Variants in RXFP2 observed in about 807,000 individuals in gnomAD.
RXFP2 encodes the protein relaxin receptor 2.
In RXFP2, 68 loss-of-function variants were observed where a neutral mutation model predicts 88.6. That is an observed-to-expected ratio of 0.77 (90% confidence interval 0.63 to 0.94). The LOEUF (loss-of-function observed/expected upper bound fraction) is 0.94. Among genes scored for constraint, RXFP2 ranks in the 40% least tolerant of loss-of-function variants. The pLI is 0.00. For missense variants in RXFP2, 791 were observed against 893.9 expected (o/e 0.88, Z 1.47); for synonymous variants, 329 against 306.8 (o/e 1.07, Z -0.76).
chr13:31,778,818 A>G (rs1873121169), intron 9 of RXFP2, among the ~76,000 whole-genome samples: 1 of 152,070 alleles, frequency 6.6e-6, no homozygotes, highest in South Asian at 2.1e-4. Flanking sequence ...CCCCATCTAG[A>G]TGCTATCCCT....
At chr13:31,762,644 G>A (rs1162467191) in intron 3 of RXFP2, among the ~76,000 whole-genome samples, 1 of 151,820 alleles carries the variant, frequency 6.6e-6, no homozygotes, top group East Asian at 1.9e-4. Flanking sequence ...ATATGTAAAT[G>A]TATATATATA....
intron 9 of RXFP2, among the ~76,000 whole-genome samples, chr13:31,779,343 C>T (rs1873155903): frequency 6.6e-6 from 1 of 152,138 alleles, no homozygotes; most frequent in South Asian, 2.1e-4. Flanking sequence ...CCAGGCTGGT[C>T]TTCAACCCCT....
In RXFP2 at chr13:31,751,504, C is replaced by G. The variant is rs148328821; in HGVS notation, c.95-6754C>G. ...CTGTGCAGTTTCCACACACTCAGCA[C>G]GAGCAGTCTATGTGGATGGTACCCA... On this transcript the variant is annotated intron_variant, in intron 1 of 17. Transcript: ENST00000298386. Among the ~76,000 whole-genome samples the G allele has an allele frequency of 3.8e-3, 583 of 152,186 alleles. 7 individuals are homozygous for G. The highest frequency in any genetic ancestry group is 0.013 in the African/African-American group (553 of 41,514).
chr13:31,795,475 T>G (rs1386946886), intron 16 of RXFP2, among the ~76,000 whole-genome samples: 1 of 152,206 alleles, frequency 6.6e-6, no homozygotes, highest in Non-Finnish European at 1.5e-5. Context: ...TGATCCTTTC[T>G]GTAAGTCTGC....
chr13:31,749,820 T>C (rs572215902), intron 1 of RXFP2, among the ~76,000 whole-genome samples: 102 of 152,348 alleles, frequency 6.7e-4, no homozygotes, highest in African/African-American at 2.4e-3. Flanking sequence ...AATCACAGTT[T>C]TATGTCTTCT....
chr13:31,745,485 T>A (rs1397650600), intron 1 of RXFP2, among the ~76,000 whole-genome samples: 1 of 152,312 alleles, frequency 6.6e-6, no homozygotes, highest in Non-Finnish European at 1.5e-5. Flanking sequence ...TACCCCATGC[T>A]TTGTCAGGGG....
chr13:31,800,489 A>G lies in RXFP2; in HGVS notation c.2006-1657A>G, dbSNP rs139400857. ...CAGGAGGCTGAGGCAGGAGAATGGC[A>G]TGAACATAAGAGGTAGAGCTTGCAG... is the stretch of plus-strand genomic sequence containing the variant. On this transcript the variant is annotated intron_variant, in intron 17 of 17. Transcript: ENST00000298386. Among the ~76,000 whole-genome samples, 1,502 of 152,310 alleles carry G rather than the reference A, an allele frequency of 9.9e-3. 30 individuals are homozygous for G. Among genetic ancestry groups the G allele is most frequent in the African/African-American group, 0.034 (1,433 of 41,562 alleles).
At chr13:31,764,303 G>A (rs978390877) in intron 3 of RXFP2, among the ~76,000 whole-genome samples, 2 of 144,662 alleles carry the variant, frequency 1.4e-5, no homozygotes, top group Non-Finnish European at 3.0e-5. Context: ...ACTGTCCTAT[G>A]GACCAGCTTG....
In RXFP2 at chr13:31,739,660, T is replaced by A; in HGVS notation, c.48T>A (p.Ile16=). The A allele has an allele frequency of 6.2e-7, 1 of 1,610,544 alleles. No individual in the cohort carries two copies. The highest frequency in any genetic ancestry group is 8.5e-7 in the Non-Finnish European group (1 of 1,176,788). The change falls in exon 1 of 18, where the codon ATT becomes ATA. Residue 16 remains isoleucine, a synonymous_variant. Transcript: ENST00000298386. ...AACATCTCTTCAGCCTCAGATTGAT[T>A]ACAATGTTCTTTCTACTTCATTTCA... The part of the protein sequence containing the change: ...VFKHLFSLRL[I]TMFFLLHFIV...
At chr13:31,789,223 G>A (rs759774910) in intron 14 of RXFP2, 30 bp downstream of exon 14, 7 of 1,405,628 alleles carry the variant, frequency 5.0e-6, no homozygotes, top group Middle Eastern at 1.8e-4. Context: ...GGAGGAGGAA[G>A]CATGGTAAAA....
At chr13:31,780,941 G>A (rs913131506) in intron 9 of RXFP2, among the ~76,000 whole-genome samples, 4 of 152,184 alleles carry the variant, frequency 2.6e-5, no homozygotes, top group Non-Finnish European at 5.9e-5. Flanking sequence ...TCCAGGCAGC[G>A]CTGAGGTTGC....
At chr13:31,765,835 T>A in intron 4 of RXFP2, 121 bp from the exon 5 acceptor site, 1 of 650,676 alleles carries the variant, frequency 1.5e-6, no homozygotes, top group Non-Finnish European at 2.8e-6. Context: ...ATTGTCATGT[T>A]CAAATATGGA....
chr13:31,761,676 G>A, intron 2 of RXFP2, 48 bp from the exon 3 acceptor site: 1 of 1,222,316 alleles, frequency 8.2e-7, no homozygotes, highest in South Asian at 1.2e-5. Context: ...TTGTCAGATG[G>A]TATTTAGTTT....
chr13:31,781,806 A>G, intron 10 of RXFP2, 64 bp downstream of exon 10: 1 of 1,344,024 alleles, frequency 7.4e-7, no homozygotes. Flanking sequence ...TTAAAAAGAA[A>G]ACATTGACAA....
intron 17 of RXFP2, among the ~76,000 whole-genome samples, chr13:31,799,602 G>A (rs959159615): frequency 2.0e-5 from 3 of 152,276 alleles, no homozygotes; most frequent in African/African-American, 4.8e-5. Context: ...CAAGTAAGGC[G>A]GAGGTCCTGG....
chr13:31,796,038 CTTTTTTTTT>C (rs776535132), intron 16 of RXFP2, among the ~76,000 whole-genome samples: 6 of 36,966 alleles, frequency 1.6e-4, no homozygotes, highest in Non-Finnish European at 2.4e-4. Context: ...ATGTGTTATT[CTTTTTTTTT>C]TTTTTTTTTT....
rs1308047985 is a variant in RXFP2, at chr13:31,802,338, C to T, written c.2198C>T (p.Ser733Phe). The T allele has an allele frequency of 1.2e-6, 2 of 1,613,342 alleles. No homozygotes were observed. Among genetic ancestry groups the T allele is most frequent in the African/African-American group, 1.3e-5 (1 of 74,910 alleles). ...TCCATTGTGTGGATAGAGGACTCCT[C>T]TTCCCTGAAACTTGGGGTTTTGAAC... ...STSIVWIEDS[S>F]SLKLGVLNKI... The change falls in exon 18 of 18, where the codon TCT (serine) becomes TTT (phenylalanine). Residue 733 changes from serine (S) to phenylalanine (F), a missense_variant. Coordinates refer to ENST00000298386, the MANE Select transcript of RXFP2 (RefSeq NM_130806.5).
At chr13:31,747,936 A>G (rs973953666) in intron 1 of RXFP2, among the ~76,000 whole-genome samples, 8 of 152,208 alleles carry the variant, frequency 5.3e-5, no homozygotes, top group African/African-American at 1.9e-4. Flanking sequence ...CAATCTTAGT[A>G]TCTTAATTAT....
At chr13:31,774,994 A>G (rs143475212) in intron 6 of RXFP2, among the ~76,000 whole-genome samples, 3 of 152,322 alleles carry the variant, frequency 2.0e-5, no homozygotes, top group Admixed American at 2.0e-4. Flanking sequence ...ATGCTAGTCT[A>G]CTAAGGATGT....
Sources: gnomAD v4.1 joint callset for allele counts (sites outside exome capture counted in the v4.1 genomes callset) on GRCh38, gnomAD v4.1.1 for gene constraint, MANE v1.5 for transcripts, NCBI Gene and HGNC (gene_info 2026-07-23, HGNC 2026-07-21) for gene names.